Variants in WDR7 observed in about 807,000 individuals in gnomAD.
WDR7 encodes the protein WD repeat domain 7.
A neutral mutation model predicts 169.4 loss-of-function variants in WDR7; 46 were observed. That is an observed-to-expected ratio of 0.27 (90% CI 0.21 to 0.35). The LOEUF is 0.35. WDR7 is among the 10% of genes least tolerant of loss of function. The pLI, the probability that WDR7 is intolerant of heterozygous loss-of-function variation, is 1.00. For synonymous variants in WDR7, 612 were observed against 666.8 expected (o/e 0.92, Z 1.27); for missense variants, 1,534 against 1,859.3 (o/e 0.83, Z 3.22).
intron 20 of WDR7, among the ~76,000 whole-genome samples, chr18:56,838,694 A>G (rs1260434556): frequency 1.3e-5 from 2 of 152,064 alleles, no homozygotes; most frequent in African/African-American, 4.8e-5. Flanking sequence ...ATAGATTCTC[A>G]TGAACTGGAA....
At chr18:56,707,590 C>G (rs1305827232) in intron 12 of WDR7, among the ~76,000 whole-genome samples, 1 of 152,090 alleles carries the variant, frequency 6.6e-6, no homozygotes, top group Non-Finnish European at 1.5e-5. Context: ...GTCTGAGAAG[C>G]CCAAACTGGG....
chr18:56,911,118 T>C (rs2046546293), intron 21 of WDR7, among the ~76,000 whole-genome samples: 1 of 152,164 alleles, frequency 6.6e-6, no homozygotes, highest in Non-Finnish European at 1.5e-5. Context: ...GTGGTCAGGC[T>C]GGGAACTACT....
intron 25 of WDR7, among the ~76,000 whole-genome samples, chr18:56,959,027 A>C (rs1470811012): frequency 6.6e-6 from 1 of 152,172 alleles, no homozygotes; most frequent in African/African-American, 2.4e-5. Context: ...AAAAAGTAGG[A>C]TATTGCGTTA....
At chr18:56,873,074 G>A (rs1302957099) in intron 20 of WDR7, among the ~76,000 whole-genome samples, 1 of 152,194 alleles carries the variant, frequency 6.6e-6, no homozygotes, top group African/African-American at 2.4e-5. Flanking sequence ...CTCCCTTATA[G>A]AAACACTAAT....
intron 20 of WDR7, among the ~76,000 whole-genome samples, chr18:56,862,915 G>T (rs1352204389): frequency 6.6e-6 from 1 of 151,732 alleles, no homozygotes; most frequent in Non-Finnish European, 1.5e-5. Flanking sequence ...GTTTCAAAAT[G>T]ACTATAATTT....
chr18:56,821,765 C>A (rs1422849324), intron 20 of WDR7, among the ~76,000 whole-genome samples: 1 of 150,358 alleles, frequency 6.7e-6, no homozygotes, highest in Non-Finnish European at 1.5e-5. Context: ...AGAGCTAAGG[C>A]AGGAGGATTG....
chr18:56,882,612 C>A (rs996281887), intron 21 of WDR7, among the ~76,000 whole-genome samples: 1 of 152,104 alleles, frequency 6.6e-6, no homozygotes, highest in East Asian at 1.9e-4. Flanking sequence ...TTATTATTTT[C>A]TTTGAAGTGG....
At chr18:56,681,479 T>C in intron 4 of WDR7, 88 bp downstream of exon 4, 1 of 855,638 alleles carries the variant, frequency 1.2e-6, no homozygotes, top group Non-Finnish European at 1.7e-6. Flanking sequence ...TATATTTTTA[T>C]ATGAAAAATG....
intron 22 of WDR7, among the ~76,000 whole-genome samples, chr18:56,925,123 T>C (rs2046786865): frequency 6.6e-6 from 1 of 152,392 alleles, no homozygotes; most frequent in South Asian, 2.1e-4. Context: ...TTGCTCTTTA[T>C]GGCTGAATAA....
At chr18:56,683,137 G>T (rs544392571) in intron 5 of WDR7, among the ~76,000 whole-genome samples, 1 of 152,062 alleles carries the variant, frequency 6.6e-6, no homozygotes, top group African/African-American at 2.4e-5. Context: ...CTTAACCTTT[G>T]GGGGTGTAGT....
chr18:56,855,799 A>G (rs1385444559), intron 20 of WDR7, among the ~76,000 whole-genome samples: 6 of 152,068 alleles, frequency 3.9e-5, no homozygotes, highest in Non-Finnish European at 1.5e-5. Context: ...TTGTTCTCTA[A>G]TACATTTTGT....
At chr18:57,036,553 T>G in the WDR7 span, 1 of 152,370 alleles carries the variant, frequency 6.6e-6, no homozygotes. Context: ...TATTGCTTCC[T>G]TCACACAGAT....
chr18:56,954,788 AG>A (rs1485085069), intron 25 of WDR7, among the ~76,000 whole-genome samples: 2 of 152,224 alleles, frequency 1.3e-5, no homozygotes, highest in African/African-American at 2.4e-5. Context: ...GCTATAACAC[AG>A]ATAAGATTTA....
intron 16 of WDR7, among the ~76,000 whole-genome samples, chr18:56,763,021 C>T (rs528789550): frequency 1.3e-5 from 2 of 151,488 alleles, no homozygotes; most frequent in African/African-American, 2.4e-5. Context: ...AGTGCAGTGG[C>T]GCGATCTCAG....
chr18:56,867,252 G>T (rs577532970), intron 20 of WDR7, among the ~76,000 whole-genome samples: 45 of 151,966 alleles, frequency 3.0e-4, no homozygotes, highest in Non-Finnish European at 6.0e-4. Flanking sequence ...GCCTAGGCTG[G>T]TCTCGAACTC....
intron 20 of WDR7, among the ~76,000 whole-genome samples, chr18:56,844,407 A>G (rs902713967): frequency 1.3e-5 from 2 of 152,170 alleles, no homozygotes; most frequent in African/African-American, 4.8e-5. Flanking sequence ...TCTCAACTTC[A>G]TTTATATGAG....
chr18:56,690,213 A>C (rs968729954), intron 7 of WDR7, among the ~76,000 whole-genome samples: 1 of 152,102 alleles, frequency 6.6e-6, no homozygotes, highest in African/African-American at 2.4e-5. Flanking sequence ...TCAAATCTTT[A>C]TTTGTGTCCA....
intron 25 of WDR7, among the ~76,000 whole-genome samples, chr18:56,943,911 G>T (rs1167971494): frequency 2.9e-4 from 43 of 146,686 alleles, no homozygotes; most frequent in African/African-American, 9.5e-4. Context: ...GGGTTTTTTG[G>T]TTTTATTTTG....
At chr18:56,802,562 G>T (rs1290039660) in intron 19 of WDR7, among the ~76,000 whole-genome samples, 3 of 148,450 alleles carry the variant, frequency 2.0e-5, no homozygotes, top group Non-Finnish European at 4.5e-5. Context: ...TAGAGACAGG[G>T]TTTCACCATG....
Sources: allele counts gnomAD v4.1 joint callset (sites outside exome capture counted in the v4.1 genomes callset), GRCh38; gene constraint gnomAD v4.1.1; transcripts MANE v1.5; gene names NCBI Gene and HGNC (gene_info 2026-07-23, HGNC 2026-07-21).